Variants in PTPRA observed in about 807,000 individuals in gnomAD.
PTPRA encodes the protein receptor-type tyrosine-protein phosphatase alpha.
Under a neutral mutation model 104.8 loss-of-function variants are expected in PTPRA, and 25 were observed. The observed-to-expected ratio is 0.24, with a 90% CI of 0.17 to 0.33. PTPRA has a LOEUF of 0.33. PTPRA is among the 10% of genes least tolerant of loss of function. The pLI is 1.00. For missense variants in PTPRA, 765 were observed against 1,015.3 expected, an observed-to-expected ratio of 0.75 and a Z score of 3.35; for synonymous variants, 323 against 368.9, an observed-to-expected ratio of 0.88 and a Z score of 1.43.
intron 4 of PTPRA, 104 bp downstream of exon 4, chr20:2,964,454 A>G: frequency 1.9e-6 from 2 of 1,027,824 alleles, no homozygotes; most frequent in South Asian, 3.2e-5. Flanking sequence ...AAGGAATATA[A>G]AAATTTTATT....
At chr20:3,016,901 C>CA (rs1259293727) in intron 12 of PTPRA, among the ~76,000 whole-genome samples, 1 of 152,236 alleles carries the variant, frequency 6.6e-6, no homozygotes, top group South Asian at 2.1e-4. Context: ...ACCTCCCCCT[C>CA]AGTCAGACAG....
At chr20:3,013,482 A>T (rs1430767412) in intron 11 of PTPRA, among the ~76,000 whole-genome samples, 2 of 150,074 alleles carry the variant, frequency 1.3e-5, no homozygotes, top group Non-Finnish European at 2.9e-5. Context: ...CAATGGCGCG[A>T]TCTCACTACA....
intron 9 of PTPRA, among the ~76,000 whole-genome samples, chr20:2,994,082 A>G (rs890596338): frequency 5.3e-5 from 8 of 152,300 alleles, no homozygotes; most frequent in Middle Eastern, 3.4e-3. Flanking sequence ...GTTCCTAGCA[A>G]GTAGCTACCT....
chr20:2,958,658 TAAAA>T lies in PTPRA; in HGVS notation c.-6-5590_-6-5587del, dbSNP rs71195806. Among the ~76,000 whole-genome samples, 168 of 62,262 alleles carry T rather than the reference TAAAA, an allele frequency of 2.7e-3. 1 individual carries two copies. Among genetic ancestry groups the T allele is most frequent in the Admixed American group, 0.019 (93 of 4,952 alleles). 40.8% of individuals were successfully genotyped at this position (62,262 alleles called of 152,430 possible). A position where few individuals can be genotyped will look rare whatever the true frequency, so the allele number is the denominator to read the frequency against. ...CAACATGGTGAAACCCCATCTCTAC[TAAAA>T]AAAAAAAAAAAAAAAAAAAAAAAGA... On this transcript the variant is annotated intron_variant, in intron 3 of 23. Transcript: ENST00000399903.
chr20:2,987,981 G>T (rs1322425109), intron 7 of PTPRA, 51 bp from the exon 8 acceptor site: 5 of 1,458,796 alleles, frequency 3.4e-6, no homozygotes, highest in East Asian at 2.3e-5. Flanking sequence ...GGTGTGATTT[G>T]CCTCTCCCAC....
At position 2,883,476 on chromosome 20, in the gene PTPRA, C is replaced by T. The variant is rs1313232526; in HGVS notation, c.-129+9716C>T. 9.9e-4 allele frequency among the ~76,000 whole-genome samples: 38 copies of T among 38,458 alleles called. 11 individuals are homozygous for T. Among genetic ancestry groups the T allele is most frequent in the African/African-American group, 1.7e-3 (6 of 3,516 alleles). 25.2% of individuals were successfully genotyped at this position (38,458 alleles called of 152,430 possible). A position where few individuals can be genotyped will look rare whatever the true frequency, so the allele number is the denominator to read the frequency against. On this transcript the variant is annotated intron_variant, in intron 1 of 23. Coordinates refer to ENST00000399903, the MANE Select transcript of PTPRA (RefSeq NM_001385305.1). Reference sequence around the variant, plus strand: ...GACCATCCTGGCTAACACGGTGAAACCCCGTCTCCACTAAAAATACAAAAA... The same window carrying T: ...GACCATCCTGGCTAACACGGTGAAATCCCGTCTCCACTAAAAATACAAAAA...
At chr20:2,986,519 A>G (rs1312220461) in intron 6 of PTPRA, among the ~76,000 whole-genome samples, 2 of 152,188 alleles carry the variant, frequency 1.3e-5, no homozygotes, top group Admixed American at 1.3e-4. Context: ...GAGTAAATAA[A>G]TGTATGATAG....
chr20:3,021,113 T>G (rs1600268305), intron 13 of PTPRA, among the ~76,000 whole-genome samples, 196 bp from the exon 14 acceptor site: 1 of 152,270 alleles, frequency 6.6e-6, no homozygotes, highest in East Asian at 1.9e-4. Context: ...CTGTGCTCAA[T>G]AGGATGGCGG....
chr20:3,005,568 G>T (rs1207858864), intron 10 of PTPRA, among the ~76,000 whole-genome samples: 1 of 151,180 alleles, frequency 6.6e-6, no homozygotes, highest in Non-Finnish European at 1.5e-5. Flanking sequence ...TAAAGTAAAA[G>T]AAATGAAATA....
At chr20:2,869,887 A>C (rs960945672), upstream of PTPRA, among the ~76,000 whole-genome samples, 24 of 151,692 alleles carry the variant, frequency 1.6e-4, no homozygotes, top group African/African-American at 5.8e-4. Flanking sequence ...GAATCGCTTG[A>C]TTGCTTGAAC....
intron 1 of PTPRA, among the ~76,000 whole-genome samples, chr20:2,878,748 C>G (rs1418393082): frequency 2.0e-5 from 3 of 152,150 alleles, no homozygotes; most frequent in Non-Finnish European, 4.4e-5. Context: ...TTCTTGACAA[C>G]CCATCTAGTG....
At chr20:3,018,754 G>A (rs1310371639) in intron 13 of PTPRA, among the ~76,000 whole-genome samples, 6 of 150,494 alleles carry the variant, frequency 4.0e-5, no homozygotes, top group East Asian at 2.0e-4. Context: ...CCTCCCAGAC[G>A]GGGTGGTGGC....
At chr20:2,938,701 C>CT (rs2147619296) in intron 2 of PTPRA, among the ~76,000 whole-genome samples, 1 of 152,042 alleles carries the variant, frequency 6.6e-6, no homozygotes, top group East Asian at 1.9e-4. Context: ...TATCATTTTT[C>CT]TTTTGCTGTT....
At chr20:2,958,845 A>AG (rs200561886) in intron 3 of PTPRA, among the ~76,000 whole-genome samples, 21,267 of 126,290 alleles carry the variant, frequency 0.17, 2,451 homozygotes, top group African/African-American at 0.36. Context: ...AGACTGTATC[A>AG]AAAAAAAAAA....
At chr20:2,897,541 T>C (rs1207673230) in intron 1 of PTPRA, among the ~76,000 whole-genome samples, 1 of 151,520 alleles carries the variant, frequency 6.6e-6, no homozygotes, top group Admixed American at 6.6e-5. Context: ...GCACCCGCCA[T>C]CATGCCCTAC....
chr20:2,994,423 G>A (rs60040561), intron 9 of PTPRA, among the ~76,000 whole-genome samples: 1 of 152,130 alleles, frequency 6.6e-6, no homozygotes, highest in Non-Finnish European at 1.5e-5. Flanking sequence ...AGCCATAAAC[G>A]TCTGATCATG....
chr20:2,968,546 G>T, intron 5 of PTPRA, among the ~76,000 whole-genome samples: 1 of 139,804 alleles, frequency 7.2e-6, no homozygotes, highest in Non-Finnish European at 1.5e-5. Context: ...GATGTATCCT[G>T]AATTAATTCT....
chr20:2,921,574 T>TC (rs902596654), intron 1 of PTPRA, among the ~76,000 whole-genome samples: 66 of 152,224 alleles, frequency 4.3e-4, no homozygotes, highest in Non-Finnish European at 1.3e-4. Context: ...GACTCTTTTT[T>TC]CCCCCCAGTG....
intron 12 of PTPRA, among the ~76,000 whole-genome samples, chr20:3,017,565 C>T (rs927527555): frequency 6.6e-6 from 1 of 152,168 alleles, no homozygotes; most frequent in Non-Finnish European, 1.5e-5. Context: ...CCTTGGGAGA[C>T]ATCATTCGTG....
Sources: allele counts gnomAD v4.1 joint callset (sites outside exome capture counted in the v4.1 genomes callset), GRCh38; gene constraint gnomAD v4.1.1; transcripts MANE v1.5; gene names NCBI Gene and HGNC (gene_info 2026-07-23, HGNC 2026-07-21).